MOB3B: variants seen among roughly 807,000 people sequenced by gnomAD.
MOB3B encodes MOB kinase activator-like 2B.
A neutral mutation model predicts 18.7 loss-of-function variants in MOB3B; 7 were observed. That is an observed-to-expected ratio of 0.37 (90% CI 0.21 to 0.70). The LOEUF (loss-of-function observed/expected upper bound fraction) is 0.70. MOB3B is among the 30% of genes least tolerant of loss of function. MOB3B has a pLI of 0.52. For missense variants in MOB3B, 253 were observed against 281.3 expected, an observed-to-expected ratio of 0.90 and a Z score of 0.72; for synonymous variants, 111 against 99.9, an observed-to-expected ratio of 1.11 and a Z score of -0.66.
intron 1 of MOB3B, among the ~76,000 whole-genome samples, chr9:27,457,573 G>A (rs1199571394): frequency 1.3e-5 from 2 of 152,178 alleles, no homozygotes; most frequent in African/African-American, 4.8e-5. Context: ...CCAGGCGGTG[G>A]AATCCCCGCC....
intron 1 of MOB3B, among the ~76,000 whole-genome samples, chr9:27,505,070 T>C (rs965234494): frequency 6.6e-6 from 1 of 152,228 alleles, no homozygotes; most frequent in Non-Finnish European, 1.5e-5. Flanking sequence ...TCAATATCTT[T>C]AGTGTAATCG....
intron 2 of MOB3B, among the ~76,000 whole-genome samples, chr9:27,361,341 A>G (rs895149691): frequency 6.6e-6 from 1 of 152,150 alleles, no homozygotes; most frequent in Non-Finnish European, 1.5e-5. Context: ...GAACCACTCG[A>G]TTGTCAAGCA....
At chr9:27,483,857 A>G (rs764195701) in intron 1 of MOB3B, among the ~76,000 whole-genome samples, 4 of 152,202 alleles carry the variant, frequency 2.6e-5, no homozygotes, top group Non-Finnish European at 4.4e-5. Flanking sequence ...AGGGTGTGTC[A>G]CAGCTGAGTG....
intron 1 of MOB3B, among the ~76,000 whole-genome samples, chr9:27,493,104 T>C (rs963930083): frequency 1.2e-4 from 19 of 152,192 alleles, no homozygotes; most frequent in Non-Finnish European, 7.3e-5. Flanking sequence ...CTCACTCTGC[T>C]CAATGTATGT....
chr9:27,441,901 T>C (rs2814700), intron 2 of MOB3B, among the ~76,000 whole-genome samples: 22,197 of 151,978 alleles, frequency 0.15, 1,710 homozygotes, highest in East Asian at 0.28. Flanking sequence ...TCCTCCCCTT[T>C]CCAACCACAT....
At chr9:27,384,064 C>G (rs1005493326) in intron 2 of MOB3B, among the ~76,000 whole-genome samples, 4 of 152,106 alleles carry the variant, frequency 2.6e-5, no homozygotes, top group African/African-American at 9.7e-5. Context: ...TTTCCCAAAC[C>G]TACTTAGCCA....
chr9:27,416,716 T>G (rs199865920), intron 2 of MOB3B, among the ~76,000 whole-genome samples: 25 of 151,704 alleles, frequency 1.6e-4, no homozygotes, highest in African/African-American at 4.3e-4. Context: ...AAGTTTTTTT[T>G]GTAGAGGCAG....
chr9:27,466,279 C>A (rs1819382035), intron 1 of MOB3B, among the ~76,000 whole-genome samples: 1 of 152,216 alleles, frequency 6.6e-6, no homozygotes, highest in Non-Finnish European at 1.5e-5. Context: ...TAAAATATAA[C>A]AAGAGTCACC....
intron 1 of MOB3B, among the ~76,000 whole-genome samples, chr9:27,525,361 A>G (rs189202794): frequency 2.6e-4 from 39 of 152,308 alleles, no homozygotes; most frequent in Admixed American, 1.7e-3. Flanking sequence ...TTTGCTGCCA[A>G]GGTTGCTTAT....
At chr9:27,378,331 G>A (rs543017850) in intron 2 of MOB3B, 46 of 471,160 alleles carry the variant, frequency 9.8e-5, no homozygotes, top group South Asian at 7.0e-4. Flanking sequence ...TCTGGACATG[G>A]GTAAAAAGGG....
Position 27,404,347 on chromosome 9 carries a change from C to CTTTTTT in MOB3B, c.419-45117_419-45112dup, listed in dbSNP as rs756275032. ...TCTTTCTTTCTTTCCTTCTTTCTTT[C>CTTTTTT]TTTTTTTTTTTTTTTTTTTTTTTTT... On this transcript the variant is annotated intron_variant, in intron 2 of 3. Transcript: ENST00000262244. Among the ~76,000 whole-genome samples, 150 of 75,180 alleles carry CTTTTTT rather than the reference C, an allele frequency of 2.0e-3. 7 individuals carry two copies. The highest frequency in any genetic ancestry group is 6.8e-3 in the African/African-American group (118 of 17,424). 49.3% of individuals were successfully genotyped at this position (75,180 alleles called of 152,430 possible).
At chr9:27,385,419 CTG>C (rs1302004754) in intron 2 of MOB3B, among the ~76,000 whole-genome samples, 2 of 152,024 alleles carry the variant, frequency 1.3e-5, no homozygotes, top group Non-Finnish European at 2.9e-5. Context: ...GGTTTTGAAA[CTG>C]TATTCTGGAG....
intron 3 of MOB3B, among the ~76,000 whole-genome samples, chr9:27,332,820 G>A (rs10967894): frequency 0.29 from 44,346 of 152,104 alleles, 7,068 homozygotes; most frequent in Admixed American, 0.35. Context: ...AAAGCTGCAG[G>A]TCTACGGTTT....
At chr9:27,369,793 C>T (rs1821388887) in intron 2 of MOB3B, among the ~76,000 whole-genome samples, 1 of 152,214 alleles carries the variant, frequency 6.6e-6, no homozygotes, top group Non-Finnish European at 1.5e-5. Context: ...CTGACTAACT[C>T]CCATTTGTTA....
intron 1 of MOB3B, among the ~76,000 whole-genome samples, chr9:27,508,228 C>T (rs34529693): frequency 0.05 from 7,586 of 152,286 alleles, 257 homozygotes; most frequent in East Asian, 0.095. Context: ...AACATACTGT[C>T]TTTTGACTGA....
intron 2 of MOB3B, among the ~76,000 whole-genome samples, chr9:27,429,557 G>A (rs1406358908): frequency 6.6e-6 from 1 of 152,150 alleles, no homozygotes; most frequent in Non-Finnish European, 1.5e-5. Flanking sequence ...AGAGAAACTA[G>A]AACTAAGACA....
chr9:27,332,939 C>T (rs1820809059), intron 3 of MOB3B, among the ~76,000 whole-genome samples: 1 of 152,144 alleles, frequency 6.6e-6, no homozygotes, highest in Non-Finnish European at 1.5e-5. Flanking sequence ...ATAATACTGG[C>T]ATATATTAAT....
chr9:27,485,399 T>C (rs1384391252), intron 1 of MOB3B, among the ~76,000 whole-genome samples: 1 of 152,214 alleles, frequency 6.6e-6, no homozygotes, highest in African/African-American at 2.4e-5. Context: ...CTCTAAAGCC[T>C]ATTTCCTTTC....
At chr9:27,502,124 G>A (rs910358932) in intron 1 of MOB3B, among the ~76,000 whole-genome samples, 1 of 152,088 alleles carries the variant, frequency 6.6e-6, no homozygotes, top group Non-Finnish European at 1.5e-5. Context: ...TTCTAGTCAT[G>A]ATTTGCTAAG....
Sources: gnomAD v4.1 joint callset for allele counts (sites outside exome capture counted in the v4.1 genomes callset) on GRCh38, gnomAD v4.1.1 for gene constraint, MANE v1.5 for transcripts, NCBI Gene and HGNC (gene_info 2026-07-23, HGNC 2026-07-21) for gene names.